Variants in TG observed in about 807,000 individuals in gnomAD.
TG encodes thyroglobulin, also known as thyroid hormones.
TG carries 270 observed loss-of-function variants against 324.7 expected under a neutral mutation model. The ratio of observed to expected loss-of-function variants is 0.83; its 90% CI spans 0.75 to 0.92. TG has a LOEUF of 0.92. TG is among the 40% of genes least tolerant of loss of function. TG has a pLI of 0.00. For synonymous variants in TG, 1,401 were observed against 1,327.0 expected (o/e 1.06, Z -1.21); for missense variants, 3,591 against 3,456.4 (o/e 1.04, Z -0.98).
At chr8:132,904,034 A>T (rs1232914550) in intron 16 of TG, among the ~76,000 whole-genome samples, 1 of 152,214 alleles carries the variant, frequency 6.6e-6, no homozygotes, top group African/African-American at 2.4e-5. Flanking sequence ...TGTCATGTTC[A>T]TGCAAAATCC....
At chr8:132,877,173 T>C (rs1160310368) in intron 5 of TG, among the ~76,000 whole-genome samples, 2 of 152,174 alleles carry the variant, frequency 1.3e-5, no homozygotes, top group African/African-American at 4.8e-5. Context: ...AGAGTCTTAC[T>C]TTGTCACCCA....
intron 41 of TG, among the ~76,000 whole-genome samples, chr8:133,034,147 AG>A (rs1167097064): frequency 6.6e-6 from 1 of 152,202 alleles, no homozygotes; most frequent in Non-Finnish European, 1.5e-5. Context: ...AAGCTTATTG[AG>A]GTTTTATTCT....
intron 10 of TG, among the ~76,000 whole-genome samples, chr8:132,889,495 G>A (rs1440384349): frequency 6.6e-6 from 1 of 152,106 alleles, no homozygotes; most frequent in African/African-American, 2.4e-5. Flanking sequence ...TAATACCCTT[G>A]GCATTTTGAA....
chr8:133,029,731 C>A (rs1004890879), intron 40 of TG, 90 bp from the exon 41 acceptor site: 5 of 1,517,892 alleles, frequency 3.3e-6, no homozygotes, highest in Non-Finnish European at 3.6e-6. Context: ...CTGGCGGGGC[C>A]GCATATATGC....
chr8:132,960,341 G>T (rs1827558525), intron 27 of TG, among the ~76,000 whole-genome samples: 1 of 152,128 alleles, frequency 6.6e-6, no homozygotes, highest in Non-Finnish European at 1.5e-5. Context: ...TCCAGACTCT[G>T]CTATCTGGGC....
chr8:133,006,817 A>G (rs1390741918), intron 35 of TG, among the ~76,000 whole-genome samples: 1 of 152,192 alleles, frequency 6.6e-6, no homozygotes, highest in Non-Finnish European at 1.5e-5. Flanking sequence ...AAAAGATGAG[A>G]TGTTAATTTT....
Position 132,883,053 on chromosome 8 carries a change from G to C in TG, c.1075+54G>C, listed in dbSNP as rs993339401. 53 of 1,582,424 alleles carry C rather than the reference G, an allele frequency of 3.3e-5. 1 individual carries two copies. The highest frequency in any genetic ancestry group is 4.2e-5 in the Non-Finnish European group (49 of 1,164,114). ...CGGCCTCGGATCATATTACTTTGGC[G>C]GTCCTCCAGACCAACCTCTCTGGAC... On this transcript the variant is annotated intron_variant, in intron 8 of 47. Transcript: ENST00000220616.
intron 41 of TG, among the ~76,000 whole-genome samples, chr8:133,042,570 T>A (rs1838461385): frequency 6.6e-6 from 1 of 151,778 alleles, no homozygotes; most frequent in South Asian, 2.1e-4. Context: ...AAATTGAGCT[T>A]CCAAGATGCC....
intron 41 of TG, chr8:133,050,849 A>G: frequency 6.2e-7 from 1 of 1,613,306 alleles, no homozygotes; most frequent in Non-Finnish European, 8.5e-7. Flanking sequence ...CCCTCGGCGG[A>G]ATATCGGGGG....
At chr8:132,903,426 T>C (rs1012383853) in intron 16 of TG, among the ~76,000 whole-genome samples, 1 of 152,100 alleles carries the variant, frequency 6.6e-6, no homozygotes, top group African/African-American at 2.4e-5. Context: ...GAATGGGCAG[T>C]GGTGGGAACA....
intron 35 of TG, among the ~76,000 whole-genome samples, chr8:133,011,391 T>C (rs559797682): frequency 1.4e-5 from 2 of 143,584 alleles, no homozygotes; most frequent in South Asian, 4.2e-4. Flanking sequence ...AATGAGAGCC[T>C]TGGTCCTGCA....
intron 35 of TG, among the ~76,000 whole-genome samples, chr8:132,988,220 T>A (rs1358694234): frequency 6.6e-6 from 1 of 152,092 alleles, no homozygotes; most frequent in Non-Finnish European, 1.5e-5. Flanking sequence ...AGATTCACCA[T>A]AGACAGGCAG....
chr8:132,871,601 C>T, intron 4 of TG, 50 bp downstream of exon 4: 4 of 1,573,592 alleles, frequency 2.5e-6, no homozygotes, highest in Non-Finnish European at 3.5e-6. Flanking sequence ...GGGGCTGAAG[C>T]TTTCCTCACT....
intron 41 of TG, among the ~76,000 whole-genome samples, chr8:133,087,011 G>A (rs907080196): frequency 5.3e-5 from 8 of 151,584 alleles, no homozygotes; most frequent in Admixed American, 4.6e-4. Flanking sequence ...ACAATGGATT[G>A]TTAGGTGAAA....
intron 8 of TG, 92 bp downstream of exon 8, chr8:132,883,091 A>G (rs1814898299): frequency 7.0e-7 from 1 of 1,422,494 alleles, no homozygotes; most frequent in Non-Finnish European, 9.6e-7. Context: ...CATTAATTCA[A>G]CTGCCTTCTA....
chr8:133,084,411 G>A (rs367797747), intron 41 of TG, among the ~76,000 whole-genome samples: 14 of 152,196 alleles, frequency 9.2e-5, no homozygotes, highest in African/African-American at 3.1e-4. Flanking sequence ...ATTGACAATG[G>A]AAGGGAGGCT....
chr8:132,893,161 T>A (rs1349702318), intron 10 of TG, among the ~76,000 whole-genome samples: 2 of 131,666 alleles, frequency 1.5e-5, no homozygotes, highest in Non-Finnish European at 3.3e-5. Flanking sequence ...GTATGTGTGG[T>A]GAGTGTGGTG....
chr8:132,915,370 C>T (rs1341412261), intron 20 of TG, among the ~76,000 whole-genome samples: 2 of 152,178 alleles, frequency 1.3e-5, no homozygotes, highest in Non-Finnish European at 2.9e-5. Flanking sequence ...GGCCTAGAAA[C>T]CTGGTTTCAA....
chr8:133,123,235 G>T (rs1851276209), intron 45 of TG, among the ~76,000 whole-genome samples: 1 of 151,980 alleles, frequency 6.6e-6, no homozygotes, highest in African/African-American at 2.4e-5. Context: ...CACTGCCCCT[G>T]AATCAAGGTA....
Sources: gnomAD v4.1 joint callset for allele counts (sites outside exome capture counted in the v4.1 genomes callset) on GRCh38, gnomAD v4.1.1 for gene constraint, MANE v1.5 for transcripts, NCBI Gene and HGNC (gene_info 2026-07-23, HGNC 2026-07-21) for gene names.